Variants in CCL5 observed in about 807,000 individuals in gnomAD.
CCL5 encodes C-C motif chemokine 5.
Under a neutral mutation model 9.0 loss-of-function variants are expected in CCL5, and 5 were observed. The observed-to-expected ratio is 0.55, with a 90% CI of 0.29 to 1.16. The LOEUF (loss-of-function observed/expected upper bound fraction) is 1.16. CCL5 is among the 50% of genes most tolerant of loss of function. CCL5 has a pLI of 0.08. For missense variants in CCL5, 183 were observed against 183.2 expected (o/e 1.00, Z 0.01); for synonymous variants, 66 against 72.0 (o/e 0.92, Z 0.42).
chr17:35,873,282 G>A (rs2088398293), intron 3 of CCL5, among the ~76,000 whole-genome samples: 2 of 151,860 alleles, frequency 1.3e-5, no homozygotes, highest in African/African-American at 4.8e-5. Flanking sequence ...CCACCTCCCG[G>A]GTTCACGCCA....
chr17:35,876,965 CTGTGTCTGTCTTGCCCCTCT>C (rs2088448916), intron 2 of CCL5, among the ~76,000 whole-genome samples: 1 of 152,010 alleles, frequency 6.6e-6, no homozygotes, highest in Admixed American at 6.6e-5. Flanking sequence ...CTAGTCATTG[CTGTGTCTGTCTTGCCCCTCT>C]TATTAGACTA....
intron 2 of CCL5, among the ~76,000 whole-genome samples, chr17:35,876,722 A>C (rs2088445554): frequency 6.6e-6 from 1 of 152,170 alleles, no homozygotes; most frequent in Non-Finnish European, 1.5e-5. Context: ...TGCATTTAGC[A>C]CTTTTGCTGC....
intron 2 of CCL5, 110 bp downstream of exon 2, chr17:35,878,418 G>A: frequency 1.4e-6 from 1 of 720,662 alleles, no homozygotes. Flanking sequence ...TAGAGATGGA[G>A]GAGCTGTGGC....
chr17:35,878,730 A>G, intron 1 of CCL5, 91 bp from the exon 2 acceptor site: 1 of 746,084 alleles, frequency 1.3e-6, no homozygotes, highest in Non-Finnish European at 2.2e-6. Flanking sequence ...TTTATTTAGA[A>G]AGAACTGTTA....
intron 2 of CCL5, among the ~76,000 whole-genome samples, chr17:35,877,576 T>C (rs1348131725): frequency 6.6e-6 from 1 of 152,234 alleles, no homozygotes; most frequent in Non-Finnish European, 1.5e-5. Context: ...TAAACCTCTC[T>C]GAATCTTAGT....
At chr17:35,878,012 C>CCACT (rs2088462503) in intron 2 of CCL5, among the ~76,000 whole-genome samples, 1 of 152,096 alleles carries the variant, frequency 6.6e-6, no homozygotes, top group Admixed American at 6.6e-5. Context: ...AGGCCAGGCA[C>CCACT]AGTGGCTCAT....
chr17:35,874,765 C>T (rs1189976522), intron 3 of CCL5, among the ~76,000 whole-genome samples: 1 of 152,116 alleles, frequency 6.6e-6, no homozygotes, highest in Non-Finnish European at 1.5e-5. Flanking sequence ...TGTGCGCCAC[C>T]ACGCCCAGCT....
Position 35,871,931 on chromosome 17 carries a change from T to C in CCL5, c.*339A>G. 1 of 141,758 alleles carries C rather than the reference T, an allele frequency of 7.1e-6. No individual in the cohort carries two copies. Among genetic ancestry groups the C allele is most frequent in the Non-Finnish European group, 1.5e-5 (1 of 64,988 alleles). The allele number at this position is 141,758 out of a possible 1,614,324, so 8.8% of individuals were successfully genotyped here. A position where few individuals can be genotyped will look rare whatever the true frequency, so the allele number is the denominator to read the frequency against. ...TAATTTTTGTATTTTTTTTTTTTTTTTTTTTTTTGAGACGGAGTCTCGCTC... is the reference window on the plus strand; with the variant it reads ...TAATTTTTGTATTTTTTTTTTTTTTCTTTTTTTTGAGACGGAGTCTCGCTC... On this transcript the variant is annotated 3_prime_UTR_variant, in exon 4 of 4. Transcript: ENST00000651122.
chr17:35,878,881 T>C (rs1249644117), intron 1 of CCL5, among the ~76,000 whole-genome samples: 4 of 152,178 alleles, frequency 2.6e-5, no homozygotes, highest in African/African-American at 9.7e-5. Flanking sequence ...CCTTCTGCCC[T>C]GGGCTTTCAG....
In CCL5 at chr17:35,872,372, C is replaced by T. The variant is rs767873033; in HGVS notation, c.363G>A (p.Trp121Ter). 1 of 1,613,636 alleles carries T rather than the reference C, an allele frequency of 6.2e-7. No homozygotes were observed. Among genetic ancestry groups the T allele is most frequent in the South Asian group, 1.1e-5 (1 of 91,028 alleles). ...GTGTAAGTTCAGGTTCAAGGACTCT[C>T]CATCCTAGCTCATCTCCAAAGAGTT... Residue 121 changes from tryptophan (W) to a stop codon, truncating the protein, a stop_gained, in exon 4 of 4, where the codon TGG (tryptophan) becomes TGA (stop). Coordinates refer to ENST00000651122, the MANE Select transcript of CCL5 (RefSeq NM_001278736.2). LOFTEE classifies it low-confidence loss of function (END_TRUNC).
chr17:35,879,420 G>A (rs1051415671), intron 1 of CCL5, among the ~76,000 whole-genome samples: 4 of 152,098 alleles, frequency 2.6e-5, no homozygotes, highest in Admixed American at 6.6e-5. Flanking sequence ...GGATCACGAG[G>A]TCAAGAGATC....
At chr17:35,873,231 A>G (rs2088397019) in intron 3 of CCL5, among the ~76,000 whole-genome samples, 1 of 137,764 alleles carries the variant, frequency 7.3e-6, no homozygotes. Context: ...ACTGTCACCC[A>G]GGCTGGAGTG....
rs370465176 is a variant in CCL5, at chr17:35,873,319, T to C, written c.271-855A>G. Among the ~76,000 whole-genome samples the C allele has an allele frequency of 2.0e-5, 3 of 152,040 alleles. No homozygotes were observed. The South Asian group carries it at 6.2e-4, about 32-fold the overall frequency. ...TCTCCTGCTTCAGCCTCCTGAGTAG[T>C]TGGGACTATAGGCGCCCCCCACCAC... On this transcript the variant is annotated intron_variant, in intron 3 of 3. Coordinates refer to ENST00000651122, the MANE Select transcript of CCL5 (RefSeq NM_001278736.2).
At chr17:35,875,509 T>TTA (rs2088430964) in intron 3 of CCL5, 1 of 796,784 alleles carries the variant, frequency 1.3e-6, no homozygotes, top group African/African-American at 1.9e-5. Context: ...CTCTCATACT[T>TTA]TCTAGAGTTT....
At chr17:35,873,887 A>G (rs4796120) in intron 3 of CCL5, among the ~76,000 whole-genome samples, 14,359 of 152,218 alleles carry the variant, frequency 0.094, 872 homozygotes, top group East Asian at 0.22. Context: ...GATAATGGCA[A>G]TGTCAAAGCA....
chr17:35,872,403 A>C lies in CCL5; in HGVS notation c.332T>G (p.Val111Gly), dbSNP rs756634409. The change falls in exon 4 of 4, where the codon GTA (valine) becomes GGA (glycine). Residue 111 changes from valine to glycine, a missense_variant. Transcript: ENST00000651122. The stretch of plus-strand genomic sequence containing the variant: ...TAGCTCATCTCCAAAGAGTTGATGT[A>C]CTCCCGAACCCATTTCTTCTCTGGG... 3 of 1,613,602 alleles carry C rather than the reference A, an allele frequency of 1.9e-6. No homozygotes were observed. In the South Asian group the frequency reaches 3.3e-5, roughly 18 times the overall value.
At position 35,873,467 on chromosome 17, in the gene CCL5, A is replaced by G. The variant is rs28914809; in HGVS notation, c.271-1003T>C. ...CTCCCAAAGTGCTGGGATTACAGGC[A>G]TGAGCCACCGCGCCTGGCCGAGAAG... On this transcript the variant is annotated intron_variant, in intron 3 of 3. Coordinates refer to ENST00000651122, the MANE Select transcript of CCL5 (RefSeq NM_001278736.2). 1.3e-3 allele frequency among the ~76,000 whole-genome samples: 189 copies of G among 150,734 alleles called. 1 individual carries two copies. Among genetic ancestry groups the G allele is most frequent in the South Asian group, 9.1e-3 (43 of 4,750 alleles).
In CCL5 at chr17:35,880,314, T is replaced by C. The variant is rs1213073010; in HGVS notation, c.-9A>G. On this transcript the variant is annotated 5_prime_UTR_variant, in exon 1 of 4. Coordinates refer to ENST00000651122, the MANE Select transcript of CCL5 (RefSeq NM_001278736.2). ...GCCGCGGAGACCTTCATGGTACCTG[T>C]GGGAGAGGCTGTGCGAGGTCCACGT... 6.2e-7 allele frequency: 1 copy of C among 1,608,500 alleles called. No individual in the cohort carries two copies. Among genetic ancestry groups the C allele is most frequent in the Non-Finnish European group, 8.5e-7 (1 of 1,177,126 alleles).
intron 3 of CCL5, among the ~76,000 whole-genome samples, chr17:35,873,041 C>T (rs1361925933): frequency 1.3e-5 from 2 of 151,996 alleles, no homozygotes; most frequent in African/African-American, 2.4e-5. Flanking sequence ...TGGCGCCCGC[C>T]ACCATGCCCA....
Sources: gnomAD v4.1 joint callset for allele counts (sites outside exome capture counted in the v4.1 genomes callset) on GRCh38, gnomAD v4.1.1 for gene constraint, MANE v1.5 for transcripts, NCBI Gene and HGNC (gene_info 2026-07-23, HGNC 2026-07-21) for gene names.